Variants in ASB7 observed in about 807,000 individuals in gnomAD.
ASB7 encodes the protein ankyrin repeat and SOCS box protein 7.
A neutral mutation model predicts 32.5 loss-of-function variants in ASB7; 4 were observed. That is an observed-to-expected ratio of 0.12 (90% CI 0.06 to 0.28). ASB7 has a LOEUF of 0.28. Among genes scored for constraint, ASB7 ranks in the 10% least tolerant of loss-of-function variants. The pLI, the probability that ASB7 is intolerant of heterozygous loss-of-function variation, is 1.00. For missense variants in ASB7, 181 were observed against 407.1 expected (o/e 0.44, Z 4.78); for synonymous variants, 172 against 155.6 (o/e 1.11, Z -0.78).
intron 4 of ASB7, among the ~76,000 whole-genome samples, chr15:100,617,915 G>T (rs1597001346): frequency 6.6e-6 from 1 of 152,042 alleles, no homozygotes; most frequent in East Asian, 1.9e-4. Flanking sequence ...TACTGGAAAT[G>T]GGCCGCGTTA....
Position 100,648,335 on chromosome 15 carries a change from A to G in ASB7, c.830A>G (p.Asn277Ser), listed in dbSNP as rs184263340. 1.4e-5 allele frequency: 23 copies of G among 1,595,006 alleles called. No homozygotes were observed. Among genetic ancestry groups the G allele is most frequent in the Middle Eastern group, 1.7e-4 (1 of 5,992 alleles). The part of the protein sequence containing the change: ...FLQEVTRQPR[N>S]LQDLCRIKIR... ...TCTGTCTTTTTAGGACAGCCCAGAAACTTGCAGGACCTGTGCCGAATTAAA... is the reference window on the plus strand; with the variant it reads ...TCTGTCTTTTTAGGACAGCCCAGAAGCTTGCAGGACCTGTGCCGAATTAAA... The change falls in exon 6 of 6, where the codon AAC becomes AGC. Residue 277 changes from asparagine (N) to serine (S), a missense_variant. Physicochemically the swap from Asn to Ser is conservative, Grantham distance 46. Coordinates refer to ENST00000332783, the MANE Select transcript of ASB7 (RefSeq NM_198243.3).
In ASB7 at chr15:100,603,218, T is replaced by G. The variant is rs2039580852; in HGVS notation, c.-269T>G. On this transcript the variant is annotated 5_prime_UTR_variant, in exon 2 of 6. Coordinates refer to ENST00000332783, the MANE Select transcript of ASB7 (RefSeq NM_198243.3). ...TCACTGGTTTCTGTTTTTCTAGGTT[T>G]GAGCTGGCTGAAGAAGACGCGAAAG... The G allele has an allele frequency of 2.6e-6, 1 of 382,594 alleles. No homozygotes were observed. The allele number at this position is 382,594 out of a possible 1,614,324, so 23.7% of individuals were successfully genotyped here.
At position 100,648,607 on chromosome 15, in the gene ASB7, G is replaced by A; in HGVS notation, c.*145G>A. ...ACACTTTTGGGTTTTCTGTTTGTTT[G>A]GTTGGTTTTCATTGTAGGGGAGGGA... On this transcript the variant is annotated 3_prime_UTR_variant, in exon 6 of 6. Transcript: ENST00000332783. The A allele has an allele frequency of 1.6e-6, 1 of 635,006 alleles. No individual in the cohort carries two copies. Among genetic ancestry groups the A allele is most frequent in the East Asian group, 3.3e-5 (1 of 30,444 alleles). The allele number at this position is 635,006 out of a possible 1,614,324, so 39.3% of individuals were successfully genotyped here.
At chr15:100,635,808 G>A (rs2039918366) in intron 5 of ASB7, among the ~76,000 whole-genome samples, 2 of 152,334 alleles carry the variant, frequency 1.3e-5, no homozygotes, top group South Asian at 2.1e-4. Flanking sequence ...AGCGAGACAG[G>A]AGGCCAGAGG....
At chr15:100,618,992 G>A (rs916492477) in intron 4 of ASB7, among the ~76,000 whole-genome samples, 3 of 152,320 alleles carry the variant, frequency 2.0e-5, no homozygotes, top group Non-Finnish European at 2.9e-5. Context: ...AAGCAGTGGA[G>A]CTGGGATTCA....
Position 100,648,618 on chromosome 15 carries a change from A to G in ASB7, c.*156A>G. The G allele has an allele frequency of 1.8e-6, 1 of 551,242 alleles. No individual in the cohort carries two copies. The allele number at this position is 551,242 out of a possible 1,614,324, so 34.1% of individuals were successfully genotyped here. On this transcript the variant is annotated 3_prime_UTR_variant, in exon 6 of 6. Transcript: ENST00000332783. ...TTTTCTGTTTGTTTGGTTGGTTTTC[A>G]TTGTAGGGGAGGGATTTTTTATATA...
At chr15:100,605,747 C>T (rs914182537) in intron 2 of ASB7, among the ~76,000 whole-genome samples, 7 of 152,172 alleles carry the variant, frequency 4.6e-5, no homozygotes, top group African/African-American at 1.7e-4. Context: ...ATGGTGTTGG[C>T]AGACCTAGGT....
chr15:100,646,266 C>CA, intron 5 of ASB7: 1 of 395,682 alleles, frequency 2.5e-6, no homozygotes, highest in Admixed American at 2.9e-5. Context: ...TCAATGTTGA[C>CA]TTTCCTTCCA....
At chr15:100,628,579 C>T (rs963686190) in intron 4 of ASB7, among the ~76,000 whole-genome samples, 2 of 152,130 alleles carry the variant, frequency 1.3e-5, no homozygotes, top group East Asian at 1.9e-4. Context: ...CCGTCTTCTG[C>T]CCCCAGCCAG....
intron 4 of ASB7, among the ~76,000 whole-genome samples, chr15:100,625,670 G>A (rs943837050): frequency 2.0e-5 from 3 of 152,066 alleles, no homozygotes; most frequent in African/African-American, 7.2e-5. Context: ...AATTCCAGCA[G>A]GCTTGTTTGA....
rs1017433165 is a variant in ASB7 at position 100,648,647 on chromosome 15, A to G, written c.*185A>G. Reference sequence around the variant, plus strand: ...TAGGGGAGGGATTTTTTATATATATATAAAAACACACACCACATGCTTGAA... The same window carrying G: ...TAGGGGAGGGATTTTTTATATATATGTAAAAACACACACCACATGCTTGAA... On this transcript the variant is annotated 3_prime_UTR_variant, in exon 6 of 6. Coordinates refer to ENST00000332783, the MANE Select transcript of ASB7 (RefSeq NM_198243.3). 3 of 482,680 alleles carry G rather than the reference A, an allele frequency of 6.2e-6. No individual in the cohort carries two copies. The highest frequency in any genetic ancestry group is 1.1e-5 in the Non-Finnish European group (3 of 276,190). The allele number at this position is 482,680 out of a possible 1,614,324, so 29.9% of individuals were successfully genotyped here. A position where few individuals can be genotyped will look rare whatever the true frequency, so the allele number is the denominator to read the frequency against.
intron 4 of ASB7, among the ~76,000 whole-genome samples, chr15:100,625,864 A>G (rs557858983): frequency 1.1e-4 from 17 of 152,218 alleles, no homozygotes; most frequent in Admixed American, 2.0e-4. Flanking sequence ...AAATAGAGCG[A>G]CACTTTTATG....
intron 5 of ASB7, among the ~76,000 whole-genome samples, chr15:100,642,126 T>TCTAGAGCATTTCAACATATTGA (rs1022406755): frequency 7.9e-5 from 12 of 152,204 alleles, no homozygotes; most frequent in Non-Finnish European, 1.6e-4. Flanking sequence ...GAAAAATTAG[T>TCTAGAGCATTTCAACATATTGA]CTAGAGCATT....
chr15:100,628,824 C>T (rs1237689225), intron 4 of ASB7, among the ~76,000 whole-genome samples: 2 of 152,082 alleles, frequency 1.3e-5, no homozygotes, highest in Non-Finnish European at 1.5e-5. Flanking sequence ...CTCCAAAGTT[C>T]GTGTAAAACT....
intron 5 of ASB7, chr15:100,645,702 G>A: frequency 1.3e-6 from 2 of 1,562,840 alleles, no homozygotes; most frequent in Admixed American, 1.7e-5. Context: ...TTAGTTTGGG[G>A]ATCCCACAGT....
At chr15:100,612,467 A>G in intron 4 of ASB7, 40 bp downstream of exon 4, 1 of 1,527,436 alleles carries the variant, frequency 6.5e-7, no homozygotes, top group Non-Finnish European at 9.1e-7. Context: ...CCATGGAGAA[A>G]CATAAATGAT....
intron 4 of ASB7, among the ~76,000 whole-genome samples, chr15:100,619,293 C>G (rs1034451036): frequency 2.0e-5 from 3 of 152,160 alleles, no homozygotes; most frequent in Admixed American, 2.0e-4. Context: ...GAAGAATGTT[C>G]AGTAAGATTG....
chr15:100,644,286 C>A (rs775613718), intron 5 of ASB7, among the ~76,000 whole-genome samples: 17 of 152,192 alleles, frequency 1.1e-4, no homozygotes, highest in Admixed American at 1.1e-3. Context: ...AGCCCGTCAT[C>A]TATTAGGAAA....
At chr15:100,628,870 C>T (rs948276055) in intron 4 of ASB7, among the ~76,000 whole-genome samples, 2 of 152,122 alleles carry the variant, frequency 1.3e-5, no homozygotes, top group Non-Finnish European at 2.9e-5. Context: ...TGTGAAAAAA[C>T]AATTTGTCAA....
Sources: gnomAD v4.1 joint callset for allele counts (sites outside exome capture counted in the v4.1 genomes callset) on GRCh38, gnomAD v4.1.1 for gene constraint, MANE v1.5 for transcripts, NCBI Gene and HGNC (gene_info 2026-07-23, HGNC 2026-07-21) for gene names.